The following ZNF761 variants were observed in gnomAD, a reference collection of about 807,000 sequenced individuals.
ZNF761 encodes zinc finger protein 761.
Under a neutral mutation model 59.9 loss-of-function variants are expected in ZNF761, and 43 were observed. The observed-to-expected ratio is 0.72, with a 90% confidence interval of 0.56 to 0.92. The LOEUF (loss-of-function observed/expected upper bound fraction) is 0.92, where lower values mean the gene tolerates loss of function less well. Ranked by LOEUF, ZNF761 falls within the 40% of genes least tolerant of loss-of-function variation. The pLI, the probability that ZNF761 is intolerant of heterozygous loss-of-function variation, is 0.00. For missense variants in ZNF761, 850 were observed against 906.1 expected (o/e 0.94, Z 0.79); for synonymous variants, 294 against 304.8 (o/e 0.96, Z 0.37).
At position 53,457,861 on chromosome 19, in the gene ZNF761, T is replaced by C. The variant is rs1376869720; in HGVS notation, c.*1113T>C. The stretch of plus-strand genomic sequence containing the variant: ...TTCTTTAAAAAAACTGATAGGGATT[T>C]TTATGGATATCATGTTGAATCTAAA... On this transcript the variant is annotated 3_prime_UTR_variant, in exon 5 of 5. Transcript: ENST00000684525. 1 of 153,436 alleles carries C rather than the reference T, an allele frequency of 6.5e-6. No homozygotes were observed. The highest frequency in any genetic ancestry group is 2.4e-5 in the African/African-American group (1 of 41,472). 9.5% of individuals were successfully genotyped at this position (153,436 alleles called of 1,614,324 possible). A position where few individuals can be genotyped will look rare whatever the true frequency, so the allele number is the denominator to read the frequency against.
chr19:53,449,925 C>G, intron 4 of ZNF761: 1 of 597,592 alleles, frequency 1.7e-6, no homozygotes, highest in Non-Finnish European at 2.8e-6. Context: ...CTCCTGAGCT[C>G]AAGAGATCCT....
Position 53,457,360 on chromosome 19 carries a change from G to T in ZNF761, c.*612G>T. 2.5e-6 allele frequency: 1 copy of T among 402,910 alleles called. No homozygotes were observed. 25.0% of individuals were successfully genotyped at this position (402,910 alleles called of 1,614,324 possible). On this transcript the variant is annotated 3_prime_UTR_variant, in exon 5 of 5. Coordinates refer to ENST00000684525, the MANE Select transcript of ZNF761 (RefSeq NM_001289951.2). ...TGACTGTGGCAAGGTCTTCAGTCAA[G>T]CTTCATCCTATGCAAAACATAGGAG...
rs775002189 is a variant in ZNF761, at chr19:53,456,682, G to A, written c.2175G>A (p.Lys725=). The change falls in exon 5 of 5, where the codon AAG becomes AAA. Residue 725 remains lysine (K), a synonymous_variant. Coordinates refer to ENST00000684525, the MANE Select transcript of ZNF761 (RefSeq NM_001289951.2). ...EKPYKCNECG[K]TFSQKSNLTC... Reference sequence around the variant, plus strand: ...CTTACAAGTGTAATGAGTGTGGCAAGACCTTTAGTCAGAAGTCAAACCTTA... The same window carrying A: ...CTTACAAGTGTAATGAGTGTGGCAAAACCTTTAGTCAGAAGTCAAACCTTA... 1 of 1,613,320 alleles carries A rather than the reference G, an allele frequency of 6.2e-7. No homozygotes were observed. The highest frequency in any genetic ancestry group is 2.2e-5 in the East Asian group (1 of 44,754).
At chr19:53,437,056 G>C (rs905536237) in intron 1 of ZNF761, among the ~76,000 whole-genome samples, 1 of 152,134 alleles carries the variant, frequency 6.6e-6, no homozygotes, top group African/African-American at 2.4e-5. Flanking sequence ...AGTGGCTCAT[G>C]CCTGTAATCC....
At chr19:53,445,710 C>A (rs529076665) in intron 1 of ZNF761, among the ~76,000 whole-genome samples, 2 of 152,066 alleles carry the variant, frequency 1.3e-5, no homozygotes, top group African/African-American at 4.8e-5. Context: ...TTTAAAAAAA[C>A]GTGAAAGAAT....
intron 1 of ZNF761, chr19:53,443,432 G>A (rs187200972): frequency 1.3e-5 from 2 of 152,434 alleles, no homozygotes; most frequent in Non-Finnish European, 2.9e-5. Context: ...GAATGCATAA[G>A]GTGGGTCCAG....
intron 1 of ZNF761, among the ~76,000 whole-genome samples, chr19:53,433,300 G>A (rs1355382049): frequency 2.6e-5 from 4 of 152,012 alleles, no homozygotes; most frequent in Non-Finnish European, 5.9e-5. Flanking sequence ...CTATAGCATA[G>A]CATAACTTGT....
chr19:53,447,598 G>A (rs10402982), intron 3 of ZNF761, among the ~76,000 whole-genome samples: 2,563 of 152,268 alleles, frequency 0.017, 83 homozygotes, highest in African/African-American at 0.058. Flanking sequence ...ACATCTGGAC[G>A]TACTGTCAGC....
intron 2 of ZNF761, 79 bp from the exon 3 acceptor site, chr19:53,447,117 C>T (rs1390461520): frequency 1.2e-5 from 11 of 889,928 alleles, no homozygotes; most frequent in South Asian, 1.8e-5. Context: ...AGGGTGAGGT[C>T]GCCTTTGTAT....
intron 1 of ZNF761, among the ~76,000 whole-genome samples, chr19:53,435,754 G>A (rs201686272): frequency 0.23 from 34,077 of 151,336 alleles, 4,254 homozygotes; most frequent in East Asian, 0.57. Context: ...TAAGGGGGGT[G>A]ACAACAGCAA....
intron 1 of ZNF761, among the ~76,000 whole-genome samples, chr19:53,438,339 C>G (rs1263303947): frequency 1.3e-5 from 2 of 152,196 alleles, no homozygotes; most frequent in African/African-American, 4.8e-5. Context: ...GCAGCTAATG[C>G]CTTAAGGCAA....
chr19:53,438,195 A>G (rs559671678), intron 1 of ZNF761, among the ~76,000 whole-genome samples: 61 of 147,282 alleles, frequency 4.1e-4, no homozygotes, highest in South Asian at 3.5e-3. Context: ...AGCCCTTGGT[A>G]CCAAGTCATC....
At chr19:53,439,426 C>G (rs897375078) in intron 1 of ZNF761, among the ~76,000 whole-genome samples, 25 of 152,138 alleles carry the variant, frequency 1.6e-4, no homozygotes, top group Non-Finnish European at 8.8e-5. Context: ...CTGCCTCAGC[C>G]TCCCGAATAG....
intron 4 of ZNF761, among the ~76,000 whole-genome samples, chr19:53,454,139 A>T (rs1317086294): frequency 6.6e-6 from 1 of 152,140 alleles, no homozygotes; most frequent in Non-Finnish European, 1.5e-5. Context: ...GCCTGGCTAC[A>T]TTTTGTAATC....
At chr19:53,438,120 T>C (rs1167611583) in intron 1 of ZNF761, among the ~76,000 whole-genome samples, 1 of 116,482 alleles carries the variant, frequency 8.6e-6, no homozygotes, top group Non-Finnish European at 1.9e-5. Flanking sequence ...CCTGTTCGAC[T>C]GGGAGCAGAA....
At chr19:53,447,583 G>A (rs986096501) in intron 3 of ZNF761, among the ~76,000 whole-genome samples, 1 of 152,150 alleles carries the variant, frequency 6.6e-6, no homozygotes. Context: ...GATTGTTCAG[G>A]GGCCACATCT....
In ZNF761 at chr19:53,457,906, A is replaced by G. The variant is rs1236048894; in HGVS notation, c.*1158A>G. 1.3e-5 allele frequency: 2 copies of G among 152,582 alleles called. No homozygotes were observed. Among genetic ancestry groups the G allele is most frequent in the African/African-American group, 4.8e-5 (2 of 41,460 alleles). 9.5% of individuals were successfully genotyped at this position (152,582 alleles called of 1,614,324 possible). A position where few individuals can be genotyped will look rare whatever the true frequency, so the allele number is the denominator to read the frequency against. ...TCTAAATCACATTGGGTTATTATAT[A>G]ATCATTTCACAATATTAATTTTTCC... On this transcript the variant is annotated 3_prime_UTR_variant, in exon 5 of 5. Transcript: ENST00000684525.
chr19:53,455,372 C>G lies in ZNF761; in HGVS notation c.865C>G (p.Arg289Gly). Residue 289 changes from arginine (R) to glycine (G), a missense_variant, in exon 5 of 5, where the codon CGT becomes GGT. Transcript: ENST00000684525. ...FSQTSSLTCH[R>G]RLHTGEKPYK... is the part of the protein sequence containing the mutation. ...TCAGACGTCATCCCTTACATGCCAT[C>G]GTAGACTTCATACTGGAGAGAAACC... 1 of 1,614,112 alleles carries G rather than the reference C, an allele frequency of 6.2e-7. No individual in the cohort carries two copies. The highest frequency in any genetic ancestry group is 8.5e-7 in the Non-Finnish European group (1 of 1,180,018).
chr19:53,449,101 T>G (rs6509774), intron 3 of ZNF761, among the ~76,000 whole-genome samples: 17,546 of 152,050 alleles, frequency 0.12, 1,526 homozygotes, highest in African/African-American at 0.23. Flanking sequence ...AGAGGCTGAG[T>G]CAGGCAGATC....
Sources: allele counts gnomAD v4.1 joint callset (sites outside exome capture counted in the v4.1 genomes callset), GRCh38; gene constraint gnomAD v4.1.1; transcripts MANE v1.5; gene names NCBI Gene and HGNC (gene_info 2026-07-23, HGNC 2026-07-21).